Variants in UMODL1 observed in about 807,000 individuals in gnomAD.
The protein encoded by UMODL1 is uromodulin-like 1.
UMODL1 carries 128 observed loss-of-function variants against 136.3 expected under a neutral mutation model. The observed-to-expected ratio is 0.94, with a 90% CI of 0.81 to 1.09. The LOEUF (loss-of-function observed/expected upper bound fraction) is 1.09. Among genes scored for constraint, UMODL1 ranks in the 50% least tolerant of loss-of-function variants. UMODL1 has a pLI of 0.00. For synonymous variants in UMODL1, 721 were observed against 720.0 expected, an observed-to-expected ratio of 1.00 and a Z score of -0.02; for missense variants, 1,766 against 1,725.6, an observed-to-expected ratio of 1.02 and a Z score of -0.41.
intron 12 of UMODL1, 129 bp downstream of exon 12, chr21:42,111,839 T>C (rs1260479506): frequency 3.0e-6 from 3 of 1,012,862 alleles, no homozygotes; most frequent in Non-Finnish European, 4.2e-6. Flanking sequence ...CATCCTCATC[T>C]TGTGCGTGTG....
chr21:42,084,008 C>T (rs1055845792), intron 2 of UMODL1, 76 bp from the exon 3 acceptor site: 23 of 1,542,606 alleles, frequency 1.5e-5, no homozygotes, highest in Admixed American at 1.2e-4. Context: ...CAGGAAGCAC[C>T]GACGTGAGGT....
intron 7 of UMODL1, among the ~76,000 whole-genome samples, chr21:42,101,292 G>A (rs541173667): frequency 5.3e-5 from 8 of 152,202 alleles, no homozygotes; most frequent in South Asian, 2.1e-4. Flanking sequence ...TCTGCGATAC[G>A]TCGGGGCCTG....
At chr21:42,129,517 C>T (rs1175868900) in intron 20 of UMODL1, among the ~76,000 whole-genome samples, 196 bp from the exon 21 acceptor site, 1 of 152,172 alleles carries the variant, frequency 6.6e-6, no homozygotes, top group Non-Finnish European at 1.5e-5. Flanking sequence ...CCTGGGCCTG[C>T]CTCTTGTTGC....
At chr21:42,073,738 A>G (rs1319303579) in intron 1 of UMODL1, among the ~76,000 whole-genome samples, 3 of 152,144 alleles carry the variant, frequency 2.0e-5, no homozygotes. Flanking sequence ...ATCTTCAGAG[A>G]TGCTGCCCCA....
intron 6 of UMODL1, among the ~76,000 whole-genome samples, chr21:42,095,102 T>TTTTTTTTTTTTTTTTTTTTTG (rs2066541276): frequency 7.8e-6 from 1 of 128,964 alleles, no homozygotes; most frequent in Admixed American, 8.1e-5. Flanking sequence ...TTTTTTTTTT[T>TTTTTTTTTTTTTTTTTTTTTG]TTTTTTTTTT....
At chr21:42,107,765 A>T (rs1229120313) in intron 9 of UMODL1, among the ~76,000 whole-genome samples, 1 of 151,918 alleles carries the variant, frequency 6.6e-6, no homozygotes, top group East Asian at 1.9e-4. Context: ...GGCCCAGGAG[A>T]TCTGGGGTCT....
intron 7 of UMODL1, among the ~76,000 whole-genome samples, chr21:42,101,536 CG>C (rs1458647077): frequency 4.6e-5 from 7 of 152,160 alleles, no homozygotes; most frequent in Non-Finnish European, 1.0e-4. Flanking sequence ...GAATTGCCGC[CG>C]ACCTGCTCCT....
intron 1 of UMODL1, among the ~76,000 whole-genome samples, chr21:42,073,182 G>C (rs973538735): frequency 6.6e-6 from 1 of 152,224 alleles, no homozygotes; most frequent in Non-Finnish European, 1.5e-5. Flanking sequence ...CTCAGGTTAC[G>C]ATGAAAAACG....
At position 42,076,147 on chromosome 21, in the gene UMODL1, G is replaced by A. The variant is rs368481279; in HGVS notation, c.219G>A (p.Met73Ile). The A allele has an allele frequency of 1.8e-4, 283 of 1,614,102 alleles. No individual in the cohort carries two copies. The highest frequency in any genetic ancestry group is 2.4e-4 in the Non-Finnish European group (278 of 1,180,046). The change falls in exon 2 of 23, where the codon ATG (methionine) becomes ATA (isoleucine). Residue 73 changes from methionine (M) to isoleucine (I), a missense_variant. Coordinates refer to ENST00000408910, the MANE Select transcript of UMODL1 (RefSeq NM_001004416.3). ...TCCCCTGGAGGCGGTGCCCTAAGAT[G>A]GTTTACCGGACACAGTACCTGGTAG... ...GWIPWRRCPK[M>I]VYRTQYLVVE...
At position 42,088,620 on chromosome 21, in the gene UMODL1, T is replaced by G. The variant is rs2066455569; in HGVS notation, c.790+140T>G. ...AGTTCAGGAGCAAAAGAATAACTGG[T>G]TCAAGTGTGTTCATCCCACAGGTGT... On this transcript the variant is annotated intron_variant, in intron 5 of 22. Coordinates refer to ENST00000408910, the MANE Select transcript of UMODL1 (RefSeq NM_001004416.3). 4.5e-6 allele frequency: 4 copies of G among 881,394 alleles called. No homozygotes were observed. The South Asian group carries it at 7.2e-5, about 16-fold the overall frequency. 54.6% of individuals were successfully genotyped at this position (881,394 alleles called of 1,614,324 possible). A position where few individuals can be genotyped will look rare whatever the true frequency, so the allele number is the denominator to read the frequency against.
intron 2 of UMODL1, among the ~76,000 whole-genome samples, chr21:42,076,709 C>T (rs191488400): frequency 6.6e-6 from 1 of 152,204 alleles, no homozygotes; most frequent in Non-Finnish European, 1.5e-5. Flanking sequence ...TCTACAGCAG[C>T]CTTTTCTTTC....
rs181782733 is a variant in UMODL1, at chr21:42,080,104, C to T, written c.319+3857C>T. Among the ~76,000 whole-genome samples the T allele has an allele frequency of 1.4e-3, 217 of 152,320 alleles. 1 individual carries two copies. Among genetic ancestry groups the T allele is most frequent in the African/African-American group, 4.7e-3 (196 of 41,568 alleles). Reference sequence around the variant, plus strand: ...AAGGCGCCTGTGGTGGGCGGATTTACACCCCGGATTTTGGCAGCGCGAACT... The same window carrying T: ...AAGGCGCCTGTGGTGGGCGGATTTATACCCCGGATTTTGGCAGCGCGAACT... On this transcript the variant is annotated intron_variant, in intron 2 of 22. Transcript: ENST00000408910.
chr21:42,068,029 C>G (rs892304381), upstream of UMODL1, among the ~76,000 whole-genome samples: 1 of 152,082 alleles, frequency 6.6e-6, no homozygotes, highest in South Asian at 2.1e-4. This position sits in a 1 kb window ranked among gnomAD's most constrained non-coding sequence, Gnocchi z 5.5. Context: ...AGAGGCGGCC[C>G]GGAGAACTCT....
chr21:42,120,773 G>A (rs1290861139), intron 15 of UMODL1: 1 of 241,540 alleles, frequency 4.1e-6, no homozygotes, highest in Non-Finnish European at 7.9e-6. Context: ...CTGGACCGAG[G>A]TGGATCTGGG....
intron 21 of UMODL1, among the ~76,000 whole-genome samples, chr21:42,136,398 C>T (rs770950332): frequency 2.6e-5 from 4 of 152,196 alleles, no homozygotes; most frequent in Admixed American, 1.3e-4. Flanking sequence ...GAAAGTCACT[C>T]GTTTGCTTTC....
rs893137692 is a variant in UMODL1, at chr21:42,123,909, G to A, written c.3147+759G>A. ...TTCAGGGTCCTGGATGGGCTGTGGG[G>A]CTCCCGGGACAGAGGGAGCCCAGGT... On this transcript the variant is annotated intron_variant, in intron 17 of 22. Transcript: ENST00000408910. The surrounding 1 kb of genome is among the most constrained non-coding windows in gnomAD (Gnocchi z 4.4). 2.0e-5 allele frequency among the ~76,000 whole-genome samples: 3 copies of A among 152,168 alleles called. No homozygotes were observed. Among genetic ancestry groups the A allele is most frequent in the Non-Finnish European group, 4.4e-5 (3 of 68,020 alleles).
chr21:42,122,532 CATGTGCAT>C lies in UMODL1; in HGVS notation c.2828-298_2828-291del, dbSNP rs2066985850. 6.6e-6 allele frequency among the ~76,000 whole-genome samples: 1 copy of C among 151,490 alleles called. No individual in the cohort carries two copies. The highest frequency in any genetic ancestry group is 2.1e-4 in the South Asian group (1 of 4,820). On this transcript the variant is annotated intron_variant, in intron 16 of 22. Coordinates refer to ENST00000408910, the MANE Select transcript of UMODL1 (RefSeq NM_001004416.3). The surrounding 1 kb of genome is among the most constrained non-coding windows in gnomAD (Gnocchi z 4.3). The stretch of plus-strand genomic sequence containing the variant: ...TCCCTGAGCTGGTGGAAATGTGCAA[CATGTGCAT>C]GTGTGCGTGTGTGTGTGTCTGCACG...
intron 6 of UMODL1, among the ~76,000 whole-genome samples, chr21:42,098,095 G>A (rs2066579461): frequency 1.3e-5 from 2 of 152,234 alleles, no homozygotes; most frequent in Admixed American, 6.5e-5. Context: ...GGCAGTATTT[G>A]TAGATGTGGC....
intron 17 of UMODL1, among the ~76,000 whole-genome samples, chr21:42,125,760 C>T (rs2067044270): frequency 6.6e-6 from 1 of 152,274 alleles, no homozygotes; most frequent in Middle Eastern, 3.4e-3. Flanking sequence ...CAAGCCTATG[C>T]AGGGCTCTTG....
Sources: allele counts gnomAD v4.1 joint callset (sites outside exome capture counted in the v4.1 genomes callset), GRCh38; gene constraint gnomAD v4.1.1; non-coding constraint Gnocchi (gnomAD v3.1); transcripts MANE v1.5; gene names NCBI Gene and HGNC (gene_info 2026-07-23, HGNC 2026-07-21).